HPSE2: variants seen among roughly 807,000 people sequenced by gnomAD.
HPSE2 encodes inactive heparanase-2.
HPSE2 carries 38 observed loss-of-function variants against 60.5 expected under a neutral mutation model. That is an observed-to-expected ratio of 0.63 (90% CI 0.48 to 0.82). The LOEUF (loss-of-function observed/expected upper bound fraction) is 0.82, where lower values mean the gene tolerates loss of function less well. Ranked by LOEUF, HPSE2 falls within the 40% of genes least tolerant of loss-of-function variation. HPSE2 has a pLI of 0.00. For missense variants in HPSE2, 713 were observed against 740.4 expected, an observed-to-expected ratio of 0.96 and a Z score of 0.43; for synonymous variants, 295 against 293.2, an observed-to-expected ratio of 1.01 and a Z score of -0.06.
the HPSE2 span, among the ~76,000 whole-genome samples, chr10:99,272,432 GAATT>G: frequency 6.6e-6 from 1 of 151,992 alleles, no homozygotes; most frequent in Non-Finnish European, 1.5e-5. Context: ...AAATACATGG[GAATT>G]AATTAACTGA....
chr10:99,087,247 C>T (rs982902356), intron 3 of HPSE2, among the ~76,000 whole-genome samples: 7 of 152,172 alleles, frequency 4.6e-5, no homozygotes, highest in African/African-American at 1.7e-4. Flanking sequence ...TATTTTGCAT[C>T]CCTGGGTCAT....
chr10:99,060,044 CCA>C (rs144555795), intron 3 of HPSE2, among the ~76,000 whole-genome samples: 11 of 149,308 alleles, frequency 7.4e-5, no homozygotes, highest in Non-Finnish European at 1.2e-4. Context: ...CAACATCTCC[CCA>C]CACACACACA....
chr10:98,918,708 T>G (rs1200167866), intron 3 of HPSE2, among the ~76,000 whole-genome samples: 1 of 139,768 alleles, frequency 7.2e-6, no homozygotes, highest in Non-Finnish European at 1.5e-5. Flanking sequence ...AGGGATAGCA[T>G]TAGGAGATAT....
At chr10:98,678,995 A>G (rs1947716873) in intron 6 of HPSE2, among the ~76,000 whole-genome samples, 1 of 152,144 alleles carries the variant, frequency 6.6e-6, no homozygotes, top group African/African-American at 2.4e-5. Context: ...ATTGGGCAAG[A>G]AAAACAGCAA....
At chr10:99,230,752 C>T (rs2133948063) in intron 2 of HPSE2, among the ~76,000 whole-genome samples, 1 of 152,168 alleles carries the variant, frequency 6.6e-6, no homozygotes, top group Non-Finnish European at 1.5e-5. Flanking sequence ...TCCCTCACCC[C>T]CAGCAATTCC....
At chr10:98,469,768 C>T (rs118082792) in intron 11 of HPSE2, among the ~76,000 whole-genome samples, 99 of 152,324 alleles carry the variant, frequency 6.5e-4, no homozygotes, top group Admixed American at 3.4e-3. Flanking sequence ...TTCTGTACTT[C>T]CAAACCCTTA....
chr10:99,152,310 C>CAAA (rs1004063463), intron 2 of HPSE2, among the ~76,000 whole-genome samples: 1,255 of 54,010 alleles, frequency 0.023, 33 homozygotes, highest in African/African-American at 0.069. Flanking sequence ...GACTCCACCT[C>CAAA]AAAAAAAAAA....
At chr10:99,221,353 T>G (rs1849308399) in intron 2 of HPSE2, among the ~76,000 whole-genome samples, 1 of 152,156 alleles carries the variant, frequency 6.6e-6, no homozygotes, top group Non-Finnish European at 1.5e-5. Context: ...GAAGAGCTAC[T>G]ACATAAAAGG....
intron 3 of HPSE2, among the ~76,000 whole-genome samples, chr10:99,015,570 A>G (rs954041406): frequency 6.6e-6 from 1 of 152,050 alleles, no homozygotes; most frequent in African/African-American, 2.4e-5. Flanking sequence ...TCACAAGGAC[A>G]AAAAACCAAA....
intron 3 of HPSE2, among the ~76,000 whole-genome samples, chr10:98,789,601 T>A (rs765397851): frequency 2.0e-5 from 3 of 152,190 alleles, no homozygotes; most frequent in Non-Finnish European, 4.4e-5. Flanking sequence ...ATTCAGTCAC[T>A]GATGTGGGCT....
At chr10:98,892,712 A>T (rs1341267686) in intron 3 of HPSE2, among the ~76,000 whole-genome samples, 1 of 152,220 alleles carries the variant, frequency 6.6e-6, no homozygotes, top group Non-Finnish European at 1.5e-5. Context: ...CAAGTAAAAT[A>T]AATTGCCTTA....
At chr10:98,907,960 T>C (rs1953870140) in intron 3 of HPSE2, among the ~76,000 whole-genome samples, 2 of 152,310 alleles carry the variant, frequency 1.3e-5, no homozygotes, top group South Asian at 4.1e-4. Context: ...TCAGTCTATT[T>C]TGTGAATAAA....
At chr10:99,086,346 CTTTTTT>C (rs66562418) in intron 3 of HPSE2, among the ~76,000 whole-genome samples, 9 of 83,000 alleles carry the variant, frequency 1.1e-4, no homozygotes, top group Admixed American at 7.1e-4. Flanking sequence ...AAAGTACTTT[CTTTTTT>C]TTTTTTTTTT....
chr10:98,581,129 T>C (rs1168102784), intron 9 of HPSE2, among the ~76,000 whole-genome samples: 4 of 151,750 alleles, frequency 2.6e-5, no homozygotes, highest in African/African-American at 9.7e-5. Flanking sequence ...TTAATAGAGA[T>C]AGGGTTTCAC....
At chr10:99,152,404 T>A (rs921778199) in intron 2 of HPSE2, among the ~76,000 whole-genome samples, 3 of 150,906 alleles carry the variant, frequency 2.0e-5, no homozygotes, top group African/African-American at 7.3e-5. Flanking sequence ...TAAAAGGCAA[T>A]GATATCAAGT....
chr10:99,032,034 T>C (rs1957509213), intron 3 of HPSE2, among the ~76,000 whole-genome samples: 1 of 152,224 alleles, frequency 6.6e-6, no homozygotes, highest in South Asian at 2.1e-4. Flanking sequence ...TTTGAATGTC[T>C]ACATCAATCA....
chr10:98,726,595 C>G (rs1386249341), intron 4 of HPSE2, among the ~76,000 whole-genome samples: 6 of 149,862 alleles, frequency 4.0e-5, no homozygotes, highest in Non-Finnish European at 7.4e-5. Context: ...TGTAAAAAAC[C>G]TGCACGTTGT....
intron 11 of HPSE2, among the ~76,000 whole-genome samples, chr10:98,468,477 G>C (rs1298449753): frequency 6.6e-6 from 1 of 152,076 alleles, no homozygotes; most frequent in Non-Finnish European, 1.5e-5. Context: ...TCAAAAGCCT[G>C]TTCTTCCCTC....
chr10:98,804,987 A>G (rs1017071028), intron 3 of HPSE2, among the ~76,000 whole-genome samples: 2 of 152,202 alleles, frequency 1.3e-5, no homozygotes, highest in African/African-American at 2.4e-5. Context: ...CAACAACAAC[A>G]TGGATGGATC....
Sources: gnomAD v4.1 joint callset for allele counts (sites outside exome capture counted in the v4.1 genomes callset) on GRCh38, gnomAD v4.1.1 for gene constraint, MANE v1.5 for transcripts, NCBI Gene and HGNC (gene_info 2026-07-23, HGNC 2026-07-21) for gene names.